KLF16: variants seen among roughly 807,000 people sequenced by gnomAD.
The protein encoded by KLF16 is KLF transcription factor 16.
Under a neutral mutation model 6.1 loss-of-function variants are expected in KLF16, and 6 were observed. The ratio of observed to expected loss-of-function variants is 0.98; its 90% CI spans 0.54 to 1.93. The LOEUF is 1.93. Among genes scored for constraint, KLF16 ranks in the 30% most tolerant of loss-of-function variants. KLF16 has a pLI of 0.01. For synonymous variants in KLF16, 211 were observed against 176.5 expected (o/e 1.20, Z -1.55); for missense variants, 355 against 363.8 (o/e 0.98, Z 0.20).
Position 1,863,026 on chromosome 19 carries a change from C to G in KLF16, c.457+15G>C. ...CGGCCGCCCCCGCAAGGGCCGGGAT[C>G]GCGGCTGCACTCACCTGTGTGCGTC... On this transcript the variant is annotated intron_variant, in intron 1 of 1. Coordinates refer to ENST00000250916, the MANE Select transcript of KLF16 (RefSeq NM_031918.4). The G allele has an allele frequency of 7.7e-7, 1 of 1,304,232 alleles. No homozygotes were observed. Among genetic ancestry groups the G allele is most frequent in the Non-Finnish European group, 1.0e-6 (1 of 1,004,296 alleles). The allele number at this position is 1,304,232 out of a possible 1,614,324, so 80.8% of individuals were successfully genotyped here. A position where few individuals can be genotyped will look rare whatever the true frequency, so the allele number is the denominator to read the frequency against.
At chr19:1,873,680 C>G in the KLF16 span, among the ~76,000 whole-genome samples, 2 of 152,250 alleles carry the variant, frequency 1.3e-5, no homozygotes, top group Non-Finnish European at 2.9e-5. Context: ...GGCCTGGCCC[C>G]GGGCCATACC....
At chr19:1,874,776 A>AC in the KLF16 span, 1 of 126,202 alleles carries the variant, frequency 7.9e-6, no homozygotes, top group Non-Finnish European at 1.6e-5. Context: ...AAAAAAAAAA[A>AC]ACACTTCTAC....
upstream of KLF16, among the ~76,000 whole-genome samples, chr19:1,865,676 G>A (rs1450656398): frequency 1.3e-5 from 2 of 152,146 alleles, no homozygotes; most frequent in Admixed American, 6.5e-5. Context: ...TCATCTGCAG[G>A]TCATGCCAGC....
the KLF16 span, among the ~76,000 whole-genome samples, chr19:1,871,391 G>A: frequency 3.9e-5 from 6 of 152,260 alleles, no homozygotes; most frequent in East Asian, 3.9e-4. Flanking sequence ...CGCACTCAGC[G>A]GTCTGTGCCA....
At chr19:1,866,059 T>C (rs1272596243), upstream of KLF16, among the ~76,000 whole-genome samples, 1 of 152,054 alleles carries the variant, frequency 6.6e-6, no homozygotes, top group Non-Finnish European at 1.5e-5. Context: ...ATCCCAGCAC[T>C]TTGGGAGGCC....
At chr19:1,863,640 C>A (rs1953240979), upstream of KLF16, 2 of 185,236 alleles carry the variant, frequency 1.1e-5, no homozygotes, top group South Asian at 3.3e-4. Flanking sequence ...CGCCCGCGCT[C>A]GGCCTGCCCC....
the KLF16 span, among the ~76,000 whole-genome samples, chr19:1,868,638 C>T: frequency 3.9e-3 from 572 of 147,588 alleles, 3 homozygotes; most frequent in African/African-American, 0.013. Flanking sequence ...ACCACCACAC[C>T]GGGCTTTTTT....
Position 1,863,322 on chromosome 19 carries a change from G to A in KLF16, c.176C>T (p.Pro59Leu). The A allele has an allele frequency of 1.0e-6, 1 of 981,304 alleles. No homozygotes were observed. The highest frequency in any genetic ancestry group is 1.2e-6 in the Non-Finnish European group (1 of 828,824). The allele number at this position is 981,304 out of a possible 1,614,324, so 60.8% of individuals were successfully genotyped here. A position where few individuals can be genotyped will look rare whatever the true frequency, so the allele number is the denominator to read the frequency against. ...GCCAGAAGCGGCGGGGGGCGGCGGG[G>A]GTGGCCCCGGGGTCCCGGGTGAGGC... ...EAASPGTPGP[P>L]PPPPAASGPG... is the part of the protein sequence containing the mutation. The change falls in exon 1 of 2, where the codon CCC becomes CTC. Residue 59 changes from proline (P) to leucine (L), a missense_variant. By Grantham distance (98) the Pro-to-Leu change is moderately conservative (BLOSUM62 -3). Coordinates refer to ENST00000250916, the MANE Select transcript of KLF16 (RefSeq NM_031918.4).
the KLF16 span, chr19:1,875,040 C>G: frequency 6.6e-6 from 1 of 152,194 alleles, no homozygotes; most frequent in African/African-American, 2.4e-5. Context: ...TACTATCTCA[C>G]GCCTACCAGG....
At chr19:1,873,850 G>GC in the KLF16 span, among the ~76,000 whole-genome samples, 2 of 152,260 alleles carry the variant, frequency 1.3e-5, no homozygotes, top group Admixed American at 1.3e-4. Context: ...CCCGGACTCG[G>GC]TTTACCCCAT....
chr19:1,869,875 A>C, the KLF16 span, among the ~76,000 whole-genome samples: 1 of 152,008 alleles, frequency 6.6e-6, no homozygotes, highest in Middle Eastern at 3.4e-3. Context: ...GGCCTCCCAA[A>C]GTGCTAGGAC....
the KLF16 span, chr19:1,875,967 GCGCTGCCT>G: frequency 6.6e-6 from 1 of 152,352 alleles, no homozygotes. Flanking sequence ...GGAACGGCGG[GCGCTGCCT>G]CGCAGCCCCG....
rs1555831253 is a variant in KLF16, at chr19:1,863,125, T to TGGCGGCGGCGGAGGGCGC, written c.355_372dup (p.Ala119_Ala124dup). The TGGCGGCGGCGGAGGGCGC allele has an allele frequency of 2.7e-5, 37 of 1,345,972 alleles. No homozygotes were observed. Among genetic ancestry groups the TGGCGGCGGCGGAGGGCGC allele is most frequent in the Non-Finnish European group, 3.5e-5 (36 of 1,030,108 alleles). 83.4% of individuals were successfully genotyped at this position (1,345,972 alleles called of 1,614,324 possible). On this transcript the variant is annotated inframe_insertion, in exon 1 of 2. Coordinates refer to ENST00000250916, the MANE Select transcript of KLF16 (RefSeq NM_031918.4). ...TCCGGGAAGGGACAGCGGTGGCTCT[T>TGGCGGCGGCGGAGGGCGC]GGCGGCGGCGGAGGGCGCGGCGCCG...
chr19:1,863,826 C>A (rs2012130662), upstream of KLF16, among the ~76,000 whole-genome samples: 2 of 145,048 alleles, frequency 1.4e-5, no homozygotes. Context: ...GGAACCCGCC[C>A]CCCGGCGCGC....
intron 1 of KLF16, among the ~76,000 whole-genome samples, chr19:1,858,908 C>A (rs1209373700): frequency 6.6e-6 from 1 of 152,022 alleles, no homozygotes; most frequent in Non-Finnish European, 1.5e-5. Context: ...CCCCACCGAT[C>A]TGGGCTGCTT....
chr19:1,862,392 G>A (rs1181544021), intron 1 of KLF16, among the ~76,000 whole-genome samples: 2 of 152,164 alleles, frequency 1.3e-5, no homozygotes, highest in Non-Finnish European at 2.9e-5. Flanking sequence ...CAGCAGTGTG[G>A]ACCCGAGCCC....
At chr19:1,863,817 G>C (rs1351789833), upstream of KLF16, among the ~76,000 whole-genome samples, 1 of 144,160 alleles carries the variant, frequency 6.9e-6, no homozygotes, top group Non-Finnish European at 1.5e-5. Flanking sequence ...CGGGCCGGAG[G>C]AACCCGCCCC....
At position 1,854,532 on chromosome 19, in the gene KLF16, T is replaced by G; in HGVS notation, c.686A>C (p.Asp229Ala). 1 of 1,525,732 alleles carries G rather than the reference T, an allele frequency of 6.6e-7. No homozygotes were observed. The allele number at this position is 1,525,732 out of a possible 1,614,324, so 94.5% of individuals were successfully genotyped here. ...CCCGGCCAGGCTGCAGGGCAGCGAG[T>G]CGCTGGGGGAGGTACTGCGGGCACC... ...RPGARSTSPSDSLPCSLAGSP... is the reference protein window; with the variant it reads ...RPGARSTSPSASLPCSLAGSP... Residue 229 changes from aspartate (D) to alanine (A), a missense_variant, in exon 2 of 2, where the codon GAC becomes GCC. Asp to Ala is a moderately radical substitution (Grantham distance 126). Coordinates refer to ENST00000250916, the MANE Select transcript of KLF16 (RefSeq NM_031918.4).
chr19:1,874,059 C>T, the KLF16 span, among the ~76,000 whole-genome samples: 1 of 152,226 alleles, frequency 6.6e-6, no homozygotes, highest in Admixed American at 6.5e-5. Flanking sequence ...TCCTCTTCAT[C>T]ACAGTGTCTT....
Sources: gnomAD v4.1 joint callset for allele counts (sites outside exome capture counted in the v4.1 genomes callset) on GRCh38, gnomAD v4.1.1 for gene constraint, MANE v1.5 for transcripts, NCBI Gene and HGNC (gene_info 2026-07-23, HGNC 2026-07-21) for gene names.